The following ARL5A variants were observed in gnomAD, a reference collection of about 807,000 sequenced individuals.
The protein encoded by ARL5A is ADP-ribosylation factor-like protein 5A.
ARL5A carries 18 observed loss-of-function variants against 25.9 expected under a neutral mutation model. The ratio of observed to expected loss-of-function variants is 0.69; its 90% CI spans 0.48 to 1.03. The LOEUF is 1.03. Ranked by LOEUF, ARL5A falls within the 50% of genes least tolerant of loss-of-function variation. The probability of loss-of-function intolerance (pLI) is 0.00; values close to 1 mark genes in which losing one functional copy is unlikely to be tolerated. For missense variants in ARL5A, 170 were observed against 211.9 expected (o/e 0.80, Z 1.23); for synonymous variants, 61 against 67.5 (o/e 0.90, Z 0.47).
chr2:151,810,958 C>G (rs140747486), intron 4 of ARL5A, among the ~76,000 whole-genome samples: 32 of 151,506 alleles, frequency 2.1e-4, no homozygotes, highest in African/African-American at 7.0e-4. Context: ...AAAAAACAAA[C>G]AAAAAAAAGC....
rs1199889698 is a variant in ARL5A at position 151,802,484 on chromosome 2, TTA to T, written c.*790_*791del. On this transcript the variant is annotated 3_prime_UTR_variant, in exon 6 of 6. Coordinates refer to ENST00000295087, the MANE Select transcript of ARL5A (RefSeq NM_012097.4). ...GTTGCTCATTGTACAATCCTGCCTATTAGTAATACTAAGCCAAGAATCTGCTA... is the reference window on the plus strand; with the variant it reads ...GTTGCTCATTGTACAATCCTGCCTATGTAATACTAAGCCAAGAATCTGCTA... 6.6e-6 allele frequency: 1 copy of T among 152,152 alleles called. No homozygotes were observed. The highest frequency in any genetic ancestry group is 1.5e-5 in the Non-Finnish European group (1 of 67,984). The allele number at this position is 152,152 out of a possible 1,614,324, so 9.4% of individuals were successfully genotyped here.
intron 1 of ARL5A, among the ~76,000 whole-genome samples, chr2:151,823,189 A>G (rs995399137): frequency 6.6e-5 from 10 of 152,224 alleles, no homozygotes; most frequent in Non-Finnish European, 7.3e-5. Flanking sequence ...CTCTTAGTCC[A>G]TAGGACAGCT....
At chr2:151,814,661 T>C (rs1452251820) in intron 2 of ARL5A, among the ~76,000 whole-genome samples, 2 of 152,052 alleles carry the variant, frequency 1.3e-5, no homozygotes, top group Non-Finnish European at 2.9e-5. Context: ...GATCAAGCAA[T>C]CTTCCCACCT....
Position 151,828,202 on chromosome 2 carries a change from CA to C in ARL5A, c.-27del. The C allele has an allele frequency of 6.2e-7, 1 of 1,603,244 alleles. No homozygotes were observed. On this transcript the variant is annotated 5_prime_UTR_variant, in exon 1 of 6. Transcript: ENST00000295087. Reference sequence around the variant, plus strand: ...TCTCGGGCAGCGGACCCCCCCCCTCCAGACACCCGGGCCGCCTGGCTTCCCC... The same window carrying C: ...TCTCGGGCAGCGGACCCCCCCCCTCCGACACCCGGGCCGCCTGGCTTCCCC...
intron 1 of ARL5A, among the ~76,000 whole-genome samples, chr2:151,820,740 A>G (rs1259504129): frequency 6.7e-5 from 10 of 148,516 alleles, no homozygotes; most frequent in Admixed American, 6.1e-4. Context: ...AGCGTGTCGG[A>G]GACAGTGATA....
At chr2:151,827,910 T>G (rs865839734) in intron 1 of ARL5A, 8 of 554,724 alleles carry the variant, frequency 1.4e-5, no homozygotes, top group Non-Finnish European at 2.2e-5. Context: ...AAAGACTTCT[T>G]AGGAAGGTCT....
At chr2:151,818,425 T>C (rs1198152146) in intron 1 of ARL5A, among the ~76,000 whole-genome samples, 1 of 152,148 alleles carries the variant, frequency 6.6e-6, no homozygotes, top group Non-Finnish European at 1.5e-5. Context: ...ACCACAGGTG[T>C]GCACCACCAC....
chr2:151,816,645 C>A (rs1345265736), intron 1 of ARL5A, among the ~76,000 whole-genome samples: 1 of 152,160 alleles, frequency 6.6e-6, no homozygotes, highest in Non-Finnish European at 1.5e-5. Context: ...ATTAAAATAG[C>A]ACACAGCAGT....
At chr2:151,815,286 C>T (rs1208524135) in intron 1 of ARL5A, 87 bp from the exon 2 acceptor site, 61 of 1,073,536 alleles carry the variant, frequency 5.7e-5, no homozygotes, top group Non-Finnish European at 7.8e-5. Context: ...TGTATCTCAC[C>T]CTTCTATCTA....
In ARL5A at chr2:151,815,132, T is replaced by G. The variant is rs773491163; in HGVS notation, c.107+7A>C. ...ATAAAATAATTTTTAAAATAGTTAA[T>G]ACTTACAATTGGTAAAGAATGGTAG... On this transcript the variant is annotated splice_region_variant and intron_variant, in intron 2 of 5. Transcript: ENST00000295087. 1 of 1,592,412 alleles carries G rather than the reference T, an allele frequency of 6.3e-7. No individual in the cohort carries two copies. Among genetic ancestry groups the G allele is most frequent in the Non-Finnish European group, 8.6e-7 (1 of 1,166,190 alleles).
chr2:151,826,928 CTGTG>C (rs202078189), intron 1 of ARL5A, among the ~76,000 whole-genome samples: 228 of 150,872 alleles, frequency 1.5e-3, no homozygotes, highest in African/African-American at 4.7e-3. Context: ...ACCTACACAT[CTGTG>C]TGTGTGTGTG....
chr2:151,814,363 T>C, intron 2 of ARL5A, 47 bp from the exon 3 acceptor site: 3 of 1,425,430 alleles, frequency 2.1e-6, no homozygotes, highest in Non-Finnish European at 2.8e-6. Flanking sequence ...GGAAGCTAAC[T>C]TGCTTGAACA....
Position 151,806,792 on chromosome 2 carries a change from C to T in ARL5A, c.491+29G>A, listed in dbSNP as rs772524504. 5.1e-6 allele frequency: 8 copies of T among 1,576,438 alleles called. No homozygotes were observed. In the South Asian group the frequency reaches 7.1e-5, roughly 14 times the overall value. On this transcript the variant is annotated intron_variant, in intron 5 of 5. Transcript: ENST00000295087. ...CATGTTACTAAGCAAAATAAATGTT[C>T]GATAACATTTAAGAGGAAGATGTCT...
chr2:151,822,829 A>G (rs2099832525), intron 1 of ARL5A, among the ~76,000 whole-genome samples: 1 of 152,206 alleles, frequency 6.6e-6, no homozygotes, highest in African/African-American at 2.4e-5. Context: ...GCTTTAACAT[A>G]CCAATCAATA....
At chr2:151,828,064 A>C (rs1578386025) in intron 1 of ARL5A, 67 bp downstream of exon 1, 1 of 1,510,934 alleles carries the variant, frequency 6.6e-7, no homozygotes, top group Non-Finnish European at 9.1e-7. Flanking sequence ...GTATTCGGAG[A>C]CCCCCACCTA....
At chr2:151,821,775 C>CTTTTTTTTTTTTT (rs760341359) in intron 1 of ARL5A, among the ~76,000 whole-genome samples, 12 of 113,538 alleles carry the variant, frequency 1.1e-4, no homozygotes, top group African/African-American at 4.1e-4. Flanking sequence ...GCCCGGCTTT[C>CTTTTTTTTTTTTT]TTTTTTTTTT....
At chr2:151,821,823 C>T (rs1439994249) in intron 1 of ARL5A, among the ~76,000 whole-genome samples, 16 of 136,004 alleles carry the variant, frequency 1.2e-4, no homozygotes, top group Non-Finnish European at 1.8e-4. Flanking sequence ...GGAGTCTCGC[C>T]GTATGCCCAG....
At position 151,814,155 on chromosome 2, in the gene ARL5A, G is replaced by T. The variant is rs188096230; in HGVS notation, c.255+14C>A. ...TTCTGTTTATAGAATTTTAAATATT[G>T]TAAGAAACATTACCTCTGTGTTAGT... is the stretch of plus-strand genomic sequence containing the variant. On this transcript the variant is annotated intron_variant, in intron 3 of 5. Coordinates refer to ENST00000295087, the MANE Select transcript of ARL5A (RefSeq NM_012097.4). 90 of 1,551,846 alleles carry T rather than the reference G, an allele frequency of 5.8e-5. No individual in the cohort carries two copies. In the African/African-American group the frequency reaches 1.2e-3, roughly 21 times the overall value.
intron 3 of ARL5A, among the ~76,000 whole-genome samples, chr2:151,813,909 T>TA (rs1032583245): frequency 1.3e-5 from 2 of 151,784 alleles, no homozygotes; most frequent in South Asian, 2.1e-4. Context: ...TGGAAGTCAT[T>TA]AAAAAAAACT....
Sources: allele counts gnomAD v4.1 joint callset (sites outside exome capture counted in the v4.1 genomes callset), GRCh38; gene constraint gnomAD v4.1.1; transcripts MANE v1.5; gene names NCBI Gene and HGNC (gene_info 2026-07-23, HGNC 2026-07-21).